ESYT3: variants seen among roughly 807,000 people sequenced by gnomAD.
ESYT3 encodes the protein extended synaptotagmin 3.
ESYT3 carries 101 observed loss-of-function variants against 111.5 expected under a neutral mutation model. The observed-to-expected ratio is 0.91, with a 90% CI of 0.77 to 1.07. The LOEUF is 1.07. ESYT3 is among the 50% of genes least tolerant of loss of function. The pLI is 0.00. For missense variants in ESYT3, 1,097 were observed against 1,109.4 expected (o/e 0.99, Z 0.16); for synonymous variants, 416 against 446.8 (o/e 0.93, Z 0.87).
In ESYT3 at chr3:138,459,961, G is replaced by A. The variant is rs747919238; in HGVS notation, c.665G>A (p.Arg222Gln). The A allele has an allele frequency of 3.4e-5, 55 of 1,613,930 alleles. No homozygotes were observed. Among genetic ancestry groups the A allele is most frequent in the Middle Eastern group, 1.6e-4 (1 of 6,078 alleles). ...VNGIQLQGTL[R>Q]VILEPLLVDK... ...CCTATCCAGTTGCAGGGCACCCTGC[G>A]GGTCATCCTGGAGCCCCTCCTAGTG... The change falls in exon 6 of 23, where the codon CGG becomes CAG. Residue 222 changes from arginine to glutamine, a missense_variant. Coordinates refer to ENST00000389567, the MANE Select transcript of ESYT3 (RefSeq NM_031913.5).
chr3:138,470,407 A>G, intron 16 of ESYT3: 1 of 1,191,966 alleles, frequency 8.4e-7, no homozygotes, highest in South Asian at 2.5e-5. Flanking sequence ...TTTGCTACAC[A>G]GTACCCAGAG....
chr3:138,447,561 C>A (rs1405184290), intron 1 of ESYT3, among the ~76,000 whole-genome samples: 1 of 152,130 alleles, frequency 6.6e-6, no homozygotes, highest in East Asian at 1.9e-4. Context: ...ATGATATTCC[C>A]CAAACTCATG....
Position 138,468,637 on chromosome 3 carries a change from G to A in ESYT3, c.1309-18G>A. On this transcript the variant is annotated intron_variant, in intron 12 of 22. Coordinates refer to ENST00000389567, the MANE Select transcript of ESYT3 (RefSeq NM_031913.5). ...CTGCTGCTGGGAGTACCCAGTGAGG[G>A]TCTGTGTCTGTTTGCAGGACCATGG... 6.2e-7 allele frequency: 1 copy of A among 1,613,900 alleles called. No homozygotes were observed.
chr3:138,472,546 AGGAGTAC>A lies in ESYT3; in HGVS notation c.1925_1931del (p.Arg642ThrfsTer47). On this transcript the variant is annotated frameshift_variant, in exon 18 of 23. Coordinates refer to ENST00000389567, the MANE Select transcript of ESYT3 (RefSeq NM_031913.5). LOFTEE classifies it high-confidence loss of function. ...TGCTTCTGATACTAAGGACGTATCC[AGGAGTAC>A]CACAACCACCACCAGTGCTACCACC... The A allele has an allele frequency of 6.2e-7, 1 of 1,614,248 alleles. No homozygotes were observed. Among genetic ancestry groups the A allele is most frequent in the Non-Finnish European group, 8.5e-7 (1 of 1,180,042 alleles).
In ESYT3 at chr3:138,434,954, T is replaced by C; in HGVS notation, c.156T>C (p.Ala52=). ...VLFYLGPVYL[A]GYLGLSITWL... ...TCTACCTGGGGCCTGTCTACCTAGC[T>C]GGCTACCTGGGGCTCAGCATAACCT... is the stretch of plus-strand genomic sequence containing the variant. Residue 52 remains alanine, a synonymous_variant, in exon 1 of 23, where the codon GCT becomes GCC. Transcript: ENST00000389567. 6.4e-7 allele frequency: 1 copy of C among 1,553,926 alleles called. No homozygotes were observed. Among genetic ancestry groups the C allele is most frequent in the Non-Finnish European group, 8.7e-7 (1 of 1,148,022 alleles).
In ESYT3 at chr3:138,479,212, C is replaced by CAA. The variant is rs1439455604; in HGVS notation, c.*2360_*2361dup. 6.6e-6 allele frequency: 1 copy of CAA among 152,090 alleles called. No individual in the cohort carries two copies. Among genetic ancestry groups the CAA allele is most frequent in the Non-Finnish European group, 1.5e-5 (1 of 68,020 alleles). The allele number at this position is 152,090 out of a possible 1,614,324, so 9.4% of individuals were successfully genotyped here. A position where few individuals can be genotyped will look rare whatever the true frequency, so the allele number is the denominator to read the frequency against. ...ATAGCATGTGAGAAGCAGTGGAAAGCAAAGAAATCCATAAAATACATTGGC... is the reference window on the plus strand; with the variant it reads ...ATAGCATGTGAGAAGCAGTGGAAAGCAAAAAGAAATCCATAAAATACATTGGC... On this transcript the variant is annotated 3_prime_UTR_variant, in exon 23 of 23. Transcript: ENST00000389567.
chr3:138,476,640 T>A, intron 22 of ESYT3, 148 bp downstream of exon 22: 1 of 1,040,576 alleles, frequency 9.6e-7, no homozygotes, highest in Non-Finnish European at 1.5e-6. Context: ...ATCTCACTGA[T>A]ACCCTAAAAG....
chr3:138,442,181 A>C (rs1268263693), intron 1 of ESYT3, among the ~76,000 whole-genome samples: 1 of 152,204 alleles, frequency 6.6e-6, no homozygotes, highest in Non-Finnish European at 1.5e-5. Context: ...AAATGGCATA[A>C]AAGTTAAAAT....
chr3:138,470,009 C>T, intron 15 of ESYT3, 51 bp from the exon 16 acceptor site: 1 of 1,523,440 alleles, frequency 6.6e-7, no homozygotes. Flanking sequence ...TGCCGGTATC[C>T]AGCTCTGCCC....
At chr3:138,450,301 G>A (rs190784121) in intron 1 of ESYT3, among the ~76,000 whole-genome samples, 2 of 152,320 alleles carry the variant, frequency 1.3e-5, no homozygotes, top group African/African-American at 4.8e-5. Context: ...GAAACGGAAA[G>A]GTCTTGCCTT....
Position 138,435,049 on chromosome 3 carries a change from C to A in ESYT3, c.251C>A (p.Ala84Asp). 1 of 1,588,998 alleles carries A rather than the reference C, an allele frequency of 6.3e-7. No individual in the cohort carries two copies. The change falls in exon 1 of 23, where the codon GCC becomes GAC. Residue 84 changes from alanine to aspartate, a missense_variant. Coordinates refer to ENST00000389567, the MANE Select transcript of ESYT3 (RefSeq NM_031913.5). The surrounding 1 kb of genome is among the most constrained non-coding windows in gnomAD (Gnocchi z 4.8). ...RNRRGKLGRL[A>D]AAFEFLDNER... ...CGCCGCGGGAAGCTTGGGCGCCTGG[C>A]CGCCGCCTTCGAATTCCTTGACAAT...
At chr3:138,460,127 A>G (rs2032541911) in intron 6 of ESYT3, 93 bp downstream of exon 6, 2 of 1,119,272 alleles carry the variant, frequency 1.8e-6, no homozygotes, top group African/African-American at 1.5e-5. Flanking sequence ...CCAAGAATGG[A>G]CATTGTCCCA....
rs746092634 is a variant in ESYT3 at position 138,459,939 on chromosome 3, A to G, written c.649-6A>G. ...GGCCCCTCACGGGCCCTCTGTGCCT[A>G]TCCAGTTGCAGGGCACCCTGCGGGT... On this transcript the variant is annotated splice_polypyrimidine_tract_variant and splice_region_variant and intron_variant, in intron 5 of 22. Transcript: ENST00000389567. The G allele has an allele frequency of 5.5e-5, 88 of 1,613,584 alleles. No individual in the cohort carries two copies. Among genetic ancestry groups the G allele is most frequent in the Non-Finnish European group, 7.2e-5 (85 of 1,179,746 alleles).
Position 138,477,027 on chromosome 3 carries a change from G to GT in ESYT3, c.*173_*174insT. ...TGGAATTTAACTCCATGACTGAATA[G>GT]CATAAGGAAGAGGTTATTTAAAAGC... On this transcript the variant is annotated 3_prime_UTR_variant, in exon 23 of 23. Coordinates refer to ENST00000389567, the MANE Select transcript of ESYT3 (RefSeq NM_031913.5). 2 of 465,788 alleles carry GT rather than the reference G, an allele frequency of 4.3e-6. No individual in the cohort carries two copies. The highest frequency in any genetic ancestry group is 7.5e-6 in the Non-Finnish European group (2 of 268,168). 28.9% of individuals were successfully genotyped at this position (465,788 alleles called of 1,614,324 possible). A position where few individuals can be genotyped will look rare whatever the true frequency, so the allele number is the denominator to read the frequency against.
At chr3:138,451,954 G>A (rs567555706) in intron 1 of ESYT3, 94 bp from the exon 2 acceptor site, 46 of 1,394,248 alleles carry the variant, frequency 3.3e-5, no homozygotes, top group Non-Finnish European at 4.6e-5. Flanking sequence ...GGTGCAGCGC[G>A]TGGGCGGAAT....
At chr3:138,481,081 C>T (rs1483914094), downstream of ESYT3, 2 of 152,142 alleles carry the variant, frequency 1.3e-5, no homozygotes, top group African/African-American at 2.4e-5. Context: ...AAAAATCAAT[C>T]AACTCCAGGT....
intron 17 of ESYT3, among the ~76,000 whole-genome samples, chr3:138,471,396 GTT>G (rs2108628036): frequency 6.6e-6 from 1 of 152,216 alleles, no homozygotes; most frequent in African/African-American, 2.4e-5. Flanking sequence ...GCTATGCCTA[GTT>G]TGCTGTTTAA....
At chr3:138,459,380 C>T (rs2032489241) in intron 5 of ESYT3, 127 bp downstream of exon 5, 1 of 672,084 alleles carries the variant, frequency 1.5e-6, no homozygotes, top group South Asian at 3.0e-5. Flanking sequence ...AGGATGGTGA[C>T]TACGGAGGAG....
At chr3:138,465,689 T>C (rs2032893755) in intron 10 of ESYT3, among the ~76,000 whole-genome samples, 1 of 152,106 alleles carries the variant, frequency 6.6e-6, no homozygotes, top group Non-Finnish European at 1.5e-5. Context: ...CTTTCTGTCT[T>C]CCTGATAATA....
Sources: allele counts gnomAD v4.1 joint callset (sites outside exome capture counted in the v4.1 genomes callset), GRCh38; gene constraint gnomAD v4.1.1; non-coding constraint Gnocchi (gnomAD v3.1); transcripts MANE v1.5; gene names NCBI Gene and HGNC (gene_info 2026-07-23, HGNC 2026-07-21).